NRXN1: variants seen among roughly 807,000 people sequenced by gnomAD.
NRXN1 encodes the protein neurexin-1.
A neutral mutation model predicts 150.9 loss-of-function variants in NRXN1; 39 were observed. The ratio of observed to expected loss-of-function variants is 0.26; its 90% CI spans 0.20 to 0.34. The LOEUF (loss-of-function observed/expected upper bound fraction) is 0.34. Among genes scored for constraint, NRXN1 ranks in the 10% least tolerant of loss-of-function variants. The pLI is 1.00. For synonymous variants in NRXN1, 924 were observed against 757.0 expected (o/e 1.22, Z -3.62); for missense variants, 1,815 against 1,949.9 (o/e 0.93, Z 1.30).
At chr2:50,968,971 A>T (rs1694564072) in intron 2 of NRXN1, among the ~76,000 whole-genome samples, 1 of 152,068 alleles carries the variant, frequency 6.6e-6, no homozygotes, top group African/African-American at 2.4e-5. Context: ...GTCTACTTCT[A>T]CTGAAACTTC....
intron 5 of NRXN1, among the ~76,000 whole-genome samples, chr2:50,759,647 G>C (rs544338575): frequency 5.3e-4 from 81 of 152,008 alleles, no homozygotes; most frequent in African/African-American, 1.6e-3. Flanking sequence ...AGGAATATCA[G>C]TAAGTTTCAG....
At chr2:49,972,890 T>C (rs1035486823) in intron 21 of NRXN1, 1 of 152,292 alleles carries the variant, frequency 6.6e-6, no homozygotes, top group Non-Finnish European at 1.5e-5. Context: ...CTTTTTCTGA[T>C]ATGCAATCCC....
chr2:49,965,621 A>G (rs1330875558), intron 21 of NRXN1, among the ~76,000 whole-genome samples: 2 of 152,152 alleles, frequency 1.3e-5, no homozygotes, highest in Admixed American at 6.5e-5. Context: ...GTCCTACACA[A>G]GTTTTTGTGC....
chr2:50,749,459 A>C (rs947260591), intron 5 of NRXN1, among the ~76,000 whole-genome samples: 1 of 152,026 alleles, frequency 6.6e-6, no homozygotes, highest in African/African-American at 2.4e-5. Flanking sequence ...TGTTCTGGAC[A>C]ATTTCCCAGG....
At chr2:50,762,065 T>C (rs923985132) in intron 5 of NRXN1, among the ~76,000 whole-genome samples, 1 of 151,708 alleles carries the variant, frequency 6.6e-6, no homozygotes, top group African/African-American at 2.4e-5. Context: ...AGGGAGTTCA[T>C]CTTGTGATCA....
chr2:50,980,331 CT>C (rs35123277), intron 2 of NRXN1, among the ~76,000 whole-genome samples: 2 of 152,016 alleles, frequency 1.3e-5, no homozygotes, highest in African/African-American at 4.8e-5. Context: ...ATAGTTTCTA[CT>C]TTTGTTGTAT....
intron 5 of NRXN1, among the ~76,000 whole-genome samples, chr2:50,874,877 G>A (rs1292164483): frequency 6.6e-6 from 1 of 151,740 alleles, no homozygotes; most frequent in Non-Finnish European, 1.5e-5. Flanking sequence ...CCTGTCAAAT[G>A]TATCTTACGA....
At chr2:50,293,660 G>A (rs546801171) in intron 17 of NRXN1, among the ~76,000 whole-genome samples, 6 of 152,268 alleles carry the variant, frequency 3.9e-5, no homozygotes, top group Admixed American at 2.6e-4. Flanking sequence ...AGGAGACATA[G>A]GAAATGAGCG....
intron 17 of NRXN1, among the ~76,000 whole-genome samples, chr2:50,456,450 T>C (rs1254467940): frequency 6.6e-6 from 1 of 152,110 alleles, no homozygotes; most frequent in Non-Finnish European, 1.5e-5. Context: ...ACGTATAGCA[T>C]CACAGAACTG....
intron 21 of NRXN1, among the ~76,000 whole-genome samples, chr2:49,974,820 C>A (rs767386537): frequency 6.7e-6 from 1 of 149,470 alleles, no homozygotes; most frequent in African/African-American, 2.4e-5. Flanking sequence ...AATAAATATG[C>A]CATTTTATCA....
At chr2:50,374,904 G>A (rs2080371034) in intron 17 of NRXN1, among the ~76,000 whole-genome samples, 1 of 152,152 alleles carries the variant, frequency 6.6e-6, no homozygotes, top group African/African-American at 2.4e-5. Flanking sequence ...GTTATGGAAT[G>A]CAGCCATCAG....
chr2:51,023,372 A>C (rs2105296698), intron 2 of NRXN1, among the ~76,000 whole-genome samples: 1 of 152,278 alleles, frequency 6.6e-6, no homozygotes, highest in South Asian at 2.1e-4. Flanking sequence ...ACTCCTCTCA[A>C]GTAGGGAGTT....
At chr2:50,320,738 C>T (rs543126536) in intron 17 of NRXN1, among the ~76,000 whole-genome samples, 1 of 152,034 alleles carries the variant, frequency 6.6e-6, no homozygotes, top group South Asian at 2.1e-4. Context: ...GGGCTATGAC[C>T]GTGAGGTATG....
In NRXN1 at chr2:50,836,048, A is replaced by G. The variant is rs149659624; in HGVS notation, c.832+85821T>C. ...TCTTTTCACGTTTGTAAAATTGAAA[A>G]CATTTTACTAGTCCCCATAAATCTG... is the stretch of plus-strand genomic sequence containing the variant. On this transcript the variant is annotated intron_variant, in intron 5 of 22. Coordinates refer to ENST00000401669, the MANE Select transcript of NRXN1 (RefSeq NM_001330078.2). 5.6e-4 allele frequency among the ~76,000 whole-genome samples: 86 copies of G among 152,276 alleles called. No individual in the cohort carries two copies. In the East Asian group the frequency reaches 0.016, roughly 28 times the overall value.
chr2:50,115,649 GAAAAAAAAT>G (rs1558910126), intron 18 of NRXN1, among the ~76,000 whole-genome samples: 1 of 151,382 alleles, frequency 6.6e-6, no homozygotes, highest in African/African-American at 2.4e-5. Context: ...CTTGGGAAAA[GAAAAAAAAT>G]AAAAATTCAG....
At chr2:50,188,051 T>A (rs576581014) in intron 18 of NRXN1, among the ~76,000 whole-genome samples, 1 of 152,118 alleles carries the variant, frequency 6.6e-6, no homozygotes, top group Non-Finnish European at 1.5e-5. Context: ...CCTCTCTTCC[T>A]ATTTGAATAC....
intron 18 of NRXN1, among the ~76,000 whole-genome samples, chr2:50,134,133 A>T (rs1245206508): frequency 6.6e-6 from 1 of 152,132 alleles, no homozygotes; most frequent in South Asian, 2.1e-4. Context: ...AAAGTAGTCC[A>T]AGGGTAAGTC....
chr2:50,656,785 G>A (rs534702400), intron 5 of NRXN1, among the ~76,000 whole-genome samples: 1 of 151,710 alleles, frequency 6.6e-6, no homozygotes, highest in African/African-American at 2.4e-5. Flanking sequence ...TAGCAATAAT[G>A]TTATGTCATT....
intron 9 of NRXN1, chr2:50,547,422 C>T (rs946312284): frequency 3.3e-5 from 5 of 152,268 alleles, no homozygotes; most frequent in African/African-American, 9.6e-5. Context: ...AGAAAACAAT[C>T]ATTAACCTCA....
Sources: allele counts gnomAD v4.1 joint callset (sites outside exome capture counted in the v4.1 genomes callset), GRCh38; gene constraint gnomAD v4.1.1; transcripts MANE v1.5; gene names NCBI Gene and HGNC (gene_info 2026-07-23, HGNC 2026-07-21).